The following PTPRD variants were observed in gnomAD, a reference collection of about 807,000 sequenced individuals.
PTPRD encodes receptor-type tyrosine-protein phosphatase delta.
In PTPRD, 34 loss-of-function variants were observed where a neutral mutation model predicts 214.5. The ratio of observed to expected loss-of-function variants is 0.16; its 90% confidence interval spans 0.12 to 0.21. The LOEUF (loss-of-function observed/expected upper bound fraction) is 0.21, where lower values mean the gene tolerates loss of function less well. Ranked by LOEUF, PTPRD falls within the 10% of genes least tolerant of loss-of-function variation. The pLI is 1.00. For missense variants in PTPRD, 2,545 were observed against 2,398.7 expected, an observed-to-expected ratio of 1.06 and a Z score of -1.27; for synonymous variants, 1,128 against 845.7, an observed-to-expected ratio of 1.33 and a Z score of -5.79.
chr9:8,473,774 C>T (rs532886458), intron 30 of PTPRD, among the ~76,000 whole-genome samples: 78 of 152,270 alleles, frequency 5.1e-4, no homozygotes, highest in Non-Finnish European at 7.6e-4. Context: ...GCCTCCCCCA[C>T]GGCAATTAAT....
At chr9:8,792,936 C>G (rs1364392580) in intron 11 of PTPRD, among the ~76,000 whole-genome samples, 1 of 152,166 alleles carries the variant, frequency 6.6e-6, no homozygotes, top group Non-Finnish European at 1.5e-5. Flanking sequence ...GCTCTCACAT[C>G]CATCATTTAA....
intron 11 of PTPRD, among the ~76,000 whole-genome samples, chr9:8,937,466 T>A (rs1442640431): frequency 6.6e-6 from 1 of 152,170 alleles, no homozygotes; most frequent in South Asian, 2.1e-4. Flanking sequence ...AAGAAAACAC[T>A]TGGATGACTG....
intron 2 of PTPRD, among the ~76,000 whole-genome samples, chr9:10,383,598 T>A (rs555770202): frequency 6.6e-6 from 1 of 151,928 alleles, no homozygotes; most frequent in African/African-American, 2.4e-5. Flanking sequence ...AGGTTGAAAA[T>A]GGATGACACC....
chr9:8,740,256 T>G (rs2091576824), intron 11 of PTPRD, among the ~76,000 whole-genome samples: 1 of 152,148 alleles, frequency 6.6e-6, no homozygotes, highest in African/African-American at 2.4e-5. Context: ...TAACGAATGT[T>G]CCTTTAATAT....
intron 11 of PTPRD, among the ~76,000 whole-genome samples, chr9:8,953,267 G>T (rs1207836076): frequency 2.0e-5 from 3 of 151,818 alleles, no homozygotes; most frequent in Non-Finnish European, 4.4e-5. Flanking sequence ...TGCCCAGATA[G>T]ATAACTGGCT....
At chr9:9,130,215 C>A (rs1248319319) in intron 10 of PTPRD, among the ~76,000 whole-genome samples, 1 of 151,992 alleles carries the variant, frequency 6.6e-6, no homozygotes, top group Non-Finnish European at 1.5e-5. Flanking sequence ...AAGTCCAGAT[C>A]TTGAAATATT....
intron 4 of PTPRD, among the ~76,000 whole-genome samples, chr9:9,991,613 G>T (rs1430867161): frequency 6.6e-6 from 1 of 151,966 alleles, no homozygotes; most frequent in Non-Finnish European, 1.5e-5. Flanking sequence ...CACCTGCCTT[G>T]GCCTCCCGAA....
At chr9:9,276,384 T>G (rs1945641350) in intron 9 of PTPRD, among the ~76,000 whole-genome samples, 2 of 151,362 alleles carry the variant, frequency 1.3e-5, no homozygotes, top group Non-Finnish European at 3.0e-5. Context: ...AGAGATGTAG[T>G]CTAGAATATC....
intron 3 of PTPRD, among the ~76,000 whole-genome samples, chr9:10,136,033 G>A (rs1365131003): frequency 6.6e-6 from 1 of 151,264 alleles, no homozygotes; most frequent in Non-Finnish European, 1.5e-5. Flanking sequence ...GAAAAGAAAT[G>A]GAGAAAGACC....
rs189199413 is a variant in PTPRD at position 8,335,611 on chromosome 9, C to G, written c.5379+3311G>C. ...ACAGGGATGCCCTCTCTCACCACTC[C>G]TATTCAACACAGTATTGGAAGTTCT... On this transcript the variant is annotated intron_variant, in intron 43 of 45. Coordinates refer to ENST00000381196, the MANE Select transcript of PTPRD (RefSeq NM_002839.4). Among the ~76,000 whole-genome samples, 20 of 152,302 alleles carry G rather than the reference C, an allele frequency of 1.3e-4. No individual in the cohort carries two copies. The East Asian group carries it at 3.7e-3, about 28-fold the overall frequency.
chr9:10,414,373 C>A (rs1325377865), intron 2 of PTPRD, among the ~76,000 whole-genome samples: 1 of 151,906 alleles, frequency 6.6e-6, no homozygotes, highest in Non-Finnish European at 1.5e-5. Flanking sequence ...AAATGCAAAT[C>A]AAAACCACAG....
intron 11 of PTPRD, among the ~76,000 whole-genome samples, chr9:8,819,451 T>A (rs1450845661): frequency 6.6e-6 from 1 of 152,074 alleles, no homozygotes; most frequent in Non-Finnish European, 1.5e-5. Context: ...TCACCTGAGG[T>A]CAGGATTCAA....
rs547441364 is a variant in PTPRD at position 10,554,700 on chromosome 9, G to A, written c.-600+57698C>T. ...TTTCAAGATGGAGTCTCGCTTTGTCGCTCAGACTGGACTGCAGTGGCACCA... is the reference window on the plus strand; with the variant it reads ...TTTCAAGATGGAGTCTCGCTTTGTCACTCAGACTGGACTGCAGTGGCACCA... On this transcript the variant is annotated intron_variant, in intron 2 of 45. Transcript: ENST00000381196. 1.6e-4 allele frequency among the ~76,000 whole-genome samples: 24 copies of A among 150,594 alleles called. No homozygotes were observed. The South Asian group carries it at 3.6e-3, about 22-fold the overall frequency.
chr9:9,042,168 G>A (rs956551173), intron 10 of PTPRD, among the ~76,000 whole-genome samples: 3 of 152,000 alleles, frequency 2.0e-5, no homozygotes, highest in South Asian at 4.2e-4. Context: ...TATTCTCTCT[G>A]ACCGGTTGTC....
chr9:9,271,589 A>C (rs73390823), intron 9 of PTPRD, among the ~76,000 whole-genome samples: 1 of 151,424 alleles, frequency 6.6e-6, no homozygotes, highest in Non-Finnish European at 1.5e-5. Flanking sequence ...AATTATTAAA[A>C]TCTGGATAGC....
At chr9:8,604,829 G>C (rs538691590) in intron 14 of PTPRD, among the ~76,000 whole-genome samples, 1 of 152,236 alleles carries the variant, frequency 6.6e-6, no homozygotes, top group East Asian at 1.9e-4. Flanking sequence ...AACTGAGATG[G>C]AAAATATAGA....
intron 4 of PTPRD, among the ~76,000 whole-genome samples, chr9:9,950,203 C>G (rs957455776): frequency 1.3e-5 from 2 of 152,154 alleles, no homozygotes; most frequent in African/African-American, 4.8e-5. Context: ...TTGTCTTAAA[C>G]CTGTGCAACA....
At chr9:9,427,139 C>T (rs377562634) in intron 8 of PTPRD, among the ~76,000 whole-genome samples, 9 of 152,166 alleles carry the variant, frequency 5.9e-5, no homozygotes, top group East Asian at 5.8e-4. Flanking sequence ...TGTTTGAACC[C>T]GTTACAAAGA....
At chr9:10,392,419 G>A (rs1469988293) in intron 2 of PTPRD, among the ~76,000 whole-genome samples, 3 of 151,852 alleles carry the variant, frequency 2.0e-5, no homozygotes, top group East Asian at 1.9e-4. Flanking sequence ...GCCCCATTCT[G>A]AAGCAGACCA....
Sources: gnomAD v4.1 joint callset for allele counts (sites outside exome capture counted in the v4.1 genomes callset) on GRCh38, gnomAD v4.1.1 for gene constraint, MANE v1.5 for transcripts, NCBI Gene and HGNC (gene_info 2026-07-23, HGNC 2026-07-21) for gene names.